The following ERLEC1 variants were observed in gnomAD, a reference collection of about 807,000 sequenced individuals.
ERLEC1 encodes endoplasmic reticulum lectin 1, also known as ER lectin.
A neutral mutation model predicts 68.0 loss-of-function variants in ERLEC1; 47 were observed. The ratio of observed to expected loss-of-function variants is 0.69; its 90% CI spans 0.55 to 0.88. The LOEUF (loss-of-function observed/expected upper bound fraction) is 0.88. Among genes scored for constraint, ERLEC1 ranks in the 40% least tolerant of loss-of-function variants. The pLI is 0.00. For missense variants in ERLEC1, 567 were observed against 583.8 expected, an observed-to-expected ratio of 0.97 and a Z score of 0.30; for synonymous variants, 225 against 203.2, an observed-to-expected ratio of 1.11 and a Z score of -0.91.
At chr2:53,789,393 C>CAA (rs1160757930) in intron 1 of ERLEC1, among the ~76,000 whole-genome samples, 92 of 79,410 alleles carry the variant, frequency 1.2e-3, no homozygotes, top group African/African-American at 1.6e-3. Context: ...GACTCTGTCT[C>CAA]AAAAAAAAAA....
At chr2:53,804,706 G>A (rs1209338127) in intron 8 of ERLEC1, among the ~76,000 whole-genome samples, 6 of 152,116 alleles carry the variant, frequency 3.9e-5, no homozygotes, top group African/African-American at 1.4e-4. Flanking sequence ...TAGTATTATT[G>A]ACTATAGTCA....
At chr2:53,807,790 T>G (rs1309985067) in intron 8 of ERLEC1, among the ~76,000 whole-genome samples, 4 of 151,952 alleles carry the variant, frequency 2.6e-5, no homozygotes, top group Non-Finnish European at 5.9e-5. Context: ...GTAGATTACT[T>G]GAGGTCAGTA....
At chr2:53,812,822 A>G in intron 10 of ERLEC1, 127 bp from the exon 11 acceptor site, 2 of 909,294 alleles carry the variant, frequency 2.2e-6, no homozygotes, top group Admixed American at 6.5e-5. Flanking sequence ...GACTGACATC[A>G]TTACACCTAA....
chr2:53,800,324 TG>T (rs1675937343), intron 6 of ERLEC1, among the ~76,000 whole-genome samples: 1 of 152,152 alleles, frequency 6.6e-6, no homozygotes, highest in Admixed American at 6.5e-5. Flanking sequence ...TACAATCTTA[TG>T]GGGCCATTGT....
intron 5 of ERLEC1, among the ~76,000 whole-genome samples, chr2:53,798,539 C>T (rs1675839967): frequency 6.6e-6 from 1 of 151,786 alleles, no homozygotes; most frequent in African/African-American, 2.4e-5. Flanking sequence ...GGATCGTATG[C>T]ATGAGGATGA....
intron 6 of ERLEC1, among the ~76,000 whole-genome samples, chr2:53,800,176 C>T (rs1014290564): frequency 6.6e-6 from 1 of 152,076 alleles, no homozygotes; most frequent in African/African-American, 2.4e-5. Context: ...CACAAACCTA[C>T]GTGGTATGTG....
In ERLEC1 at chr2:53,801,423, G is replaced by C; in HGVS notation, c.552G>C (p.Gln184His). The C allele has an allele frequency of 6.2e-7, 1 of 1,613,748 alleles. No homozygotes were observed. Among genetic ancestry groups the C allele is most frequent in the East Asian group, 2.2e-5 (1 of 44,862 alleles). Reference protein sequence around the residue: ...NEIPTKNIEGQMTPYYPVGMG... With the variant: ...NEIPTKNIEGHMTPYYPVGMG... ...TTCCCACTAAAAATATCGAAGGTCA[G>C]ATGACACCATACTATCCTGTGGGAA... The change falls in exon 7 of 14, where the codon CAG (glutamine) becomes CAC (histidine). Residue 184 changes from glutamine to histidine, a missense_variant. By Grantham distance (24) the Gln-to-His change is conservative (BLOSUM62 0). Transcript: ENST00000185150.
chr2:53,787,505 CTT>C, intron 1 of ERLEC1, 133 bp downstream of exon 1: 1 of 1,067,944 alleles, frequency 9.4e-7, no homozygotes, highest in South Asian at 1.8e-5. Context: ...GCCAAAGCTG[CTT>C]TTATGCAGCG....
chr2:53,798,947 T>G, intron 5 of ERLEC1, 100 bp from the exon 6 acceptor site: 1 of 985,036 alleles, frequency 1.0e-6, no homozygotes, highest in South Asian at 1.8e-5. Context: ...TTGGACCTTC[T>G]TTAGAAAGAA....
At chr2:53,796,056 C>A in intron 3 of ERLEC1, 43 bp downstream of exon 3, 1 of 1,247,020 alleles carries the variant, frequency 8.0e-7, no homozygotes, top group Non-Finnish European at 1.1e-6. Flanking sequence ...AATAGATTAC[C>A]AACAGCCAAC....
intron 1 of ERLEC1, among the ~76,000 whole-genome samples, chr2:53,788,129 C>T (rs192275599): frequency 6.6e-6 from 1 of 152,184 alleles, no homozygotes; most frequent in Non-Finnish European, 1.5e-5. Context: ...ATATTGTACT[C>T]TTATGACACT....
chr2:53,803,894 C>T (rs554248378), intron 8 of ERLEC1, among the ~76,000 whole-genome samples: 70 of 152,308 alleles, frequency 4.6e-4, no homozygotes, highest in African/African-American at 1.5e-3. Flanking sequence ...TTTGGGAGGC[C>T]GAGGCAGTCA....
chr2:53,805,991 T>C (rs1261855525), intron 8 of ERLEC1, among the ~76,000 whole-genome samples: 1 of 152,242 alleles, frequency 6.6e-6, no homozygotes, highest in African/African-American at 2.4e-5. Context: ...ACTGATAATC[T>C]TTATTTCAGA....
chr2:53,799,102 T>A, intron 6 of ERLEC1, 21 bp downstream of exon 6: 1 of 1,607,078 alleles, frequency 6.2e-7, no homozygotes, highest in Non-Finnish European at 8.5e-7. Context: ...GATGTTGATT[T>A]TTTTCCTCTT....
chr2:53,815,208 G>T (rs1318892902), intron 13 of ERLEC1, among the ~76,000 whole-genome samples: 1 of 151,782 alleles, frequency 6.6e-6, no homozygotes, highest in East Asian at 1.9e-4. Context: ...GTTCCACCAT[G>T]TTGGCCAGGC....
intron 10 of ERLEC1, among the ~76,000 whole-genome samples, chr2:53,809,803 C>T (rs1279402864): frequency 1.3e-5 from 2 of 152,162 alleles, no homozygotes; most frequent in African/African-American, 4.8e-5. Flanking sequence ...CGCCTGTATT[C>T]CCAGCACTTT....
chr2:53,798,713 A>C (rs572154023), intron 5 of ERLEC1, among the ~76,000 whole-genome samples: 1 of 151,778 alleles, frequency 6.6e-6, no homozygotes, highest in African/African-American at 2.4e-5. Context: ...AAATAGATAT[A>C]TCTCTCAAAT....
intron 13 of ERLEC1, among the ~76,000 whole-genome samples, chr2:53,816,235 C>T (rs1469514807): frequency 6.6e-6 from 1 of 151,116 alleles, no homozygotes; most frequent in African/African-American, 2.4e-5. Context: ...CATGCACCAC[C>T]GTGCCTGGCT....
chr2:53,799,052 G>A lies in ERLEC1; in HGVS notation c.496G>A (p.Glu166Lys). ...AKNLLFEKER[E>K]AEEKEKSNEI... is the part of the protein sequence containing the mutation. ...CTTACCTTATTATTCCACAGAACGA[G>A]AAGCAGAAGAAAAGGAAAAATCAAA... is the stretch of plus-strand genomic sequence containing the variant. The change falls in exon 6 of 14, where the codon GAA becomes AAA. Residue 166 changes from glutamate (E) to lysine (K), a missense_variant. Coordinates refer to ENST00000185150, the MANE Select transcript of ERLEC1 (RefSeq NM_015701.5). 6.2e-7 allele frequency: 1 copy of A among 1,612,490 alleles called. No homozygotes were observed. Among genetic ancestry groups the A allele is most frequent in the Non-Finnish European group, 8.5e-7 (1 of 1,179,102 alleles).
Sources: gnomAD v4.1 joint callset for allele counts (sites outside exome capture counted in the v4.1 genomes callset) on GRCh38, gnomAD v4.1.1 for gene constraint, MANE v1.5 for transcripts, NCBI Gene and HGNC (gene_info 2026-07-23, HGNC 2026-07-21) for gene names.